The following NSG1 variants were observed in gnomAD, a reference collection of about 807,000 sequenced individuals.
NSG1 encodes neuronal vesicle trafficking-associated protein 1.
In NSG1, 9 loss-of-function variants were observed where a neutral mutation model predicts 19.3. The observed-to-expected ratio is 0.47, with a 90% CI of 0.28 to 0.81. NSG1 has a LOEUF of 0.81. Among genes scored for constraint, NSG1 ranks in the 40% least tolerant of loss-of-function variants. The probability of loss-of-function intolerance (pLI) is 0.11; values close to 1 mark genes in which losing one functional copy is unlikely to be tolerated. For synonymous variants in NSG1, 104 were observed against 107.0 expected (o/e 0.97, Z 0.17); for missense variants, 236 against 242.4 (o/e 0.97, Z 0.18).
At chr4:4,392,419 G>C (rs952195889) in intron 3 of NSG1, among the ~76,000 whole-genome samples, 1 of 152,198 alleles carries the variant, frequency 6.6e-6, no homozygotes, top group Non-Finnish European at 1.5e-5. Flanking sequence ...GCCCTGTCTG[G>C]CTCTCTGGTC....
chr4:4,410,234 A>G (rs1401166164), intron 4 of NSG1, among the ~76,000 whole-genome samples: 1 of 152,200 alleles, frequency 6.6e-6, no homozygotes, highest in Non-Finnish European at 1.5e-5. Context: ...TGGGCTCTCT[A>G]CAGGCATGGA....
At chr4:4,407,065 G>A (rs370705773) in intron 3 of NSG1, among the ~76,000 whole-genome samples, 6 of 152,374 alleles carry the variant, frequency 3.9e-5, no homozygotes, top group East Asian at 1.9e-4. Context: ...TGGGCACTGC[G>A]GCCCTGGGGA....
chr4:4,412,953 C>T (rs897387415), intron 4 of NSG1, among the ~76,000 whole-genome samples: 5 of 152,138 alleles, frequency 3.3e-5, no homozygotes, highest in East Asian at 1.9e-4. Context: ...AGTCCTTACG[C>T]GATTAGCAGG....
chr4:4,409,530 G>T, intron 3 of NSG1, 43 bp from the exon 4 acceptor site: 1 of 1,457,842 alleles, frequency 6.9e-7, no homozygotes. Flanking sequence ...TGTCTGTCCT[G>T]CTGCCTTCCG....
At chr4:4,396,744 C>T (rs1446333961) in intron 3 of NSG1, among the ~76,000 whole-genome samples, 1 of 133,470 alleles carries the variant, frequency 7.5e-6, no homozygotes, top group Non-Finnish European at 1.6e-5. Context: ...CCTTGAGCTT[C>T]CTGCGTGCGC....
intron 3 of NSG1, among the ~76,000 whole-genome samples, chr4:4,397,061 A>G (rs77639809): frequency 1.1e-4 from 5 of 45,220 alleles, no homozygotes; most frequent in Admixed American, 4.9e-4. Context: ...GTGTGTGTGT[A>G]TGTATTCACT....
intron 2 of NSG1, 58 bp downstream of exon 2, chr4:4,387,816 CG>C: frequency 6.9e-7 from 1 of 1,459,610 alleles, no homozygotes; most frequent in Non-Finnish European, 9.4e-7. Flanking sequence ...TCTCGCACGG[CG>C]GGCGCAACAA....
chr4:4,391,067 A>G (rs1246464934), intron 2 of NSG1, among the ~76,000 whole-genome samples: 3 of 152,140 alleles, frequency 2.0e-5, no homozygotes, highest in Non-Finnish European at 4.4e-5. Context: ...TCTTGTGCCC[A>G]TGGTGGCACA....
intron 4 of NSG1, among the ~76,000 whole-genome samples, chr4:4,414,848 T>C (rs1724430671): frequency 6.6e-6 from 1 of 152,022 alleles, no homozygotes; most frequent in Non-Finnish European, 1.5e-5. Flanking sequence ...GACAGGCTTT[T>C]TCTGGACAGC....
chr4:4,402,766 C>T (rs982896949), intron 3 of NSG1, among the ~76,000 whole-genome samples: 1 of 152,122 alleles, frequency 6.6e-6, no homozygotes, highest in Admixed American at 6.5e-5. Flanking sequence ...GTGTGGGCCC[C>T]GCACTTCCTG....
In NSG1 at chr4:4,387,661, A is replaced by C. The variant is rs757679807; in HGVS notation, c.32A>C (p.Lys11Thr). 6.2e-7 allele frequency: 1 copy of C among 1,613,558 alleles called. No individual in the cohort carries two copies. Among genetic ancestry groups the C allele is most frequent in the South Asian group, 1.1e-5 (1 of 91,078 alleles). The change falls in exon 2 of 5, where the codon AAG (lysine) becomes ACG (threonine). Residue 11 changes from lysine to threonine, a missense_variant. Transcript: ENST00000621129. MVKLGNNFAE[K>T]GTKQPLLEDG... ...AAGTTGGGGAACAATTTCGCAGAGA[A>C]GGGCACCAAGCAGCCGCTGCTGGAG... is the stretch of plus-strand genomic sequence containing the variant.
chr4:4,414,770 C>T (rs892279582), intron 4 of NSG1, among the ~76,000 whole-genome samples: 4 of 152,044 alleles, frequency 2.6e-5, no homozygotes, highest in African/African-American at 7.2e-5. Context: ...TAAGTACCTC[C>T]TACTATGTGC....
intron 3 of NSG1, among the ~76,000 whole-genome samples, chr4:4,400,181 C>T (rs554092243): frequency 1.3e-5 from 2 of 152,340 alleles, no homozygotes; most frequent in African/African-American, 4.8e-5. Context: ...CATTCTTTTG[C>T]ATGTGGTCCT....
rs150277072 is a variant in NSG1, at chr4:4,415,692, C to T, written c.358-1543C>T. 7.8e-3 allele frequency: 1,220 copies of T among 157,120 alleles called. 9 individuals are homozygous for T. Among genetic ancestry groups the T allele is most frequent in the Non-Finnish European group, 0.013 (901 of 71,298 alleles). The allele number at this position is 157,120 out of a possible 1,614,324, so 9.7% of individuals were successfully genotyped here. A position where few individuals can be genotyped will look rare whatever the true frequency, so the allele number is the denominator to read the frequency against. On this transcript the variant is annotated intron_variant, in intron 4 of 4. Transcript: ENST00000621129. ...CCTGTAGGGCAGGGCCGTTTCTGAGCCATCTCGTATGCCAGCCCTGAGCGG... is the reference window on the plus strand; with the variant it reads ...CCTGTAGGGCAGGGCCGTTTCTGAGTCATCTCGTATGCCAGCCCTGAGCGG...
intron 4 of NSG1, among the ~76,000 whole-genome samples, chr4:4,412,155 C>T (rs949800736): frequency 6.6e-6 from 1 of 152,160 alleles, no homozygotes; most frequent in Non-Finnish European, 1.5e-5. Flanking sequence ...ATCGTTGACC[C>T]AAATGCTGTT....
At chr4:4,389,919 G>C (rs1300724342) in intron 2 of NSG1, among the ~76,000 whole-genome samples, 1 of 152,190 alleles carries the variant, frequency 6.6e-6, no homozygotes, top group Non-Finnish European at 1.5e-5. Flanking sequence ...ATAATGCCAT[G>C]AGGTCACTAC....
At chr4:4,417,089 C>A in intron 4 of NSG1, 146 bp from the exon 5 acceptor site, 2 of 676,896 alleles carry the variant, frequency 3.0e-6, no homozygotes, top group South Asian at 1.8e-5. Flanking sequence ...TCTCTCAGGG[C>A]AAGATCCATG....
At chr4:4,407,476 C>A (rs1723930328) in intron 3 of NSG1, among the ~76,000 whole-genome samples, 1 of 152,240 alleles carries the variant, frequency 6.6e-6, no homozygotes, top group South Asian at 2.1e-4. Context: ...CTTGGTGCTG[C>A]CCTTGTCCTG....
intron 3 of NSG1, among the ~76,000 whole-genome samples, chr4:4,395,718 C>T (rs1723217986): frequency 1.3e-5 from 2 of 152,214 alleles, no homozygotes; most frequent in African/African-American, 4.8e-5. Flanking sequence ...TGGACAGCTT[C>T]TGTGCAGCTC....
Sources: allele counts gnomAD v4.1 joint callset (sites outside exome capture counted in the v4.1 genomes callset), GRCh38; gene constraint gnomAD v4.1.1; transcripts MANE v1.5; gene names NCBI Gene and HGNC (gene_info 2026-07-23, HGNC 2026-07-21).